M1AP: variants seen among roughly 807,000 people sequenced by gnomAD.
M1AP encodes the protein meiosis 1 arrest protein.
Under a neutral mutation model 51.2 loss-of-function variants are expected in M1AP, and 39 were observed. That is an observed-to-expected ratio of 0.76 (90% confidence interval 0.59 to 1.00). The LOEUF is 1.00. M1AP is among the 50% of genes least tolerant of loss of function. M1AP has a pLI of 0.00. For synonymous variants in M1AP, 251 were observed against 249.2 expected, an observed-to-expected ratio of 1.01 and a Z score of -0.07; for missense variants, 545 against 641.2, an observed-to-expected ratio of 0.85 and a Z score of 1.62.
chr2:74,610,601 A>G (rs935446570), intron 3 of M1AP, among the ~76,000 whole-genome samples: 1 of 152,100 alleles, frequency 6.6e-6, no homozygotes, highest in Non-Finnish European at 1.5e-5. Flanking sequence ...GGTATGCACC[A>G]CCACTCTCAG....
chr2:74,620,423 C>G (rs906166727), intron 2 of M1AP, among the ~76,000 whole-genome samples: 4 of 152,122 alleles, frequency 2.6e-5, no homozygotes, highest in Non-Finnish European at 2.9e-5. Flanking sequence ...ATTAAATGAC[C>G]CCATGCCCAA....
chr2:74,629,940 CT>C (rs769023462), intron 2 of M1AP, among the ~76,000 whole-genome samples: 4,779 of 136,684 alleles, frequency 0.035, 163 homozygotes, highest in African/African-American at 0.093. Context: ...AGATTCACAA[CT>C]TTTTTTTTTT....
intron 7 of M1AP, among the ~76,000 whole-genome samples, chr2:74,571,146 G>A (rs1678715954): frequency 6.6e-6 from 1 of 152,166 alleles, no homozygotes; most frequent in African/African-American, 2.4e-5. Context: ...AGAGATTGGA[G>A]GCAGGGAAGC....
At chr2:74,587,444 T>A (rs1302633130) in intron 4 of M1AP, among the ~76,000 whole-genome samples, 1 of 152,168 alleles carries the variant, frequency 6.6e-6, no homozygotes, top group Non-Finnish European at 1.5e-5. Context: ...GTGATCCACC[T>A]GCCTTGGCCT....
Position 74,621,945 on chromosome 2 carries a change from TA to T in M1AP, c.241-6797del, listed in dbSNP as rs753660707. 4.8e-3 allele frequency among the ~76,000 whole-genome samples: 593 copies of T among 122,818 alleles called. 2 individuals carry two copies. The highest frequency in any genetic ancestry group is 4.7e-3 in the Non-Finnish European group (273 of 57,720). 80.6% of individuals were successfully genotyped at this position (122,818 alleles called of 152,430 possible). ...CAACATGGTGAAACCCCACATCTAC[TA>T]AAAAAAAAAAAAAAAATACAAAAAT... On this transcript the variant is annotated intron_variant, in intron 2 of 10. Coordinates refer to ENST00000421985, the MANE Select transcript of M1AP (RefSeq NM_001321739.2).
chr2:74,604,864 C>T (rs191525848), intron 4 of M1AP, among the ~76,000 whole-genome samples: 2 of 152,206 alleles, frequency 1.3e-5, no homozygotes, highest in African/African-American at 2.4e-5. Flanking sequence ...AAGATCACTA[C>T]GTAGGACCAC....
At chr2:74,645,016 C>T (rs532090271) in intron 1 of M1AP, among the ~76,000 whole-genome samples, 10 of 152,260 alleles carry the variant, frequency 6.6e-5, no homozygotes, top group Admixed American at 5.9e-4. Context: ...TTTGTTCTTT[C>T]GCTCTTTGCA....
intron 1 of M1AP, among the ~76,000 whole-genome samples, chr2:74,643,102 T>C (rs978014670): frequency 1.8e-4 from 28 of 151,866 alleles, no homozygotes; most frequent in Admixed American, 9.8e-4. Flanking sequence ...ACTTTTTGGA[T>C]TTTTTTTGTT....
chr2:74,562,397 C>T lies in M1AP; in HGVS notation c.1101G>A (p.Lys367=). ...LLKREWLLLA[K]GEPPGPGHSQ... ...TGTGTCCTGGGCCCGGTGGTTCCCC[C>T]TTGGCTAACAGCAGCCATTCCCTTT... The change falls in exon 8 of 11, where the codon AAG becomes AAA. Residue 367 remains lysine, a synonymous_variant. Transcript: ENST00000421985. 1 of 1,614,210 alleles carries T rather than the reference C, an allele frequency of 6.2e-7. No homozygotes were observed. The highest frequency in any genetic ancestry group is 1.1e-5 in the South Asian group (1 of 91,086).
intron 4 of M1AP, among the ~76,000 whole-genome samples, chr2:74,587,894 A>G (rs1326986944): frequency 6.6e-6 from 1 of 152,228 alleles, no homozygotes; most frequent in East Asian, 1.9e-4. Context: ...AAGAAAGCCA[A>G]ATGACTGAAG....
At chr2:74,583,767 G>C (rs1210983502) in intron 4 of M1AP, among the ~76,000 whole-genome samples, 1 of 152,198 alleles carries the variant, frequency 6.6e-6, no homozygotes. Context: ...ACTTTCCACA[G>C]GGAACAAAGG....
chr2:74,561,366 C>T (rs1677999978), intron 8 of M1AP, among the ~76,000 whole-genome samples: 1 of 152,166 alleles, frequency 6.6e-6, no homozygotes, highest in African/African-American at 2.4e-5. Flanking sequence ...TGGGCACCTA[C>T]ATTGGCTGCC....
intron 5 of M1AP, among the ~76,000 whole-genome samples, chr2:74,578,553 G>A (rs1278164174): frequency 6.6e-6 from 1 of 152,154 alleles, no homozygotes; most frequent in African/African-American, 2.4e-5. Flanking sequence ...CCCAAAGCTG[G>A]GAAAGCTGTT....
At chr2:74,587,050 A>C (rs1679750331) in intron 4 of M1AP, among the ~76,000 whole-genome samples, 1 of 152,186 alleles carries the variant, frequency 6.6e-6, no homozygotes, top group South Asian at 2.1e-4. Flanking sequence ...GGCGAAGTGG[A>C]ATAGTACAAC....
At chr2:74,578,261 C>G (rs1679199225) in intron 5 of M1AP, among the ~76,000 whole-genome samples, 1 of 152,212 alleles carries the variant, frequency 6.6e-6, no homozygotes, top group African/African-American at 2.4e-5. Flanking sequence ...AGCCCAGACA[C>G]TGGTATTTTA....
At chr2:74,646,395 A>G (rs1474440685) in intron 1 of M1AP, among the ~76,000 whole-genome samples, 1 of 152,230 alleles carries the variant, frequency 6.6e-6, no homozygotes, top group African/African-American at 2.4e-5. Context: ...TCCACCTGAT[A>G]GACTCTAGAG....
intron 2 of M1AP, among the ~76,000 whole-genome samples, chr2:74,626,585 T>G (rs752332198): frequency 3.3e-5 from 5 of 151,974 alleles, no homozygotes; most frequent in Non-Finnish European, 7.4e-5. Context: ...ACACAAACTT[T>G]CCTTGTTTAA....
At chr2:74,561,157 G>A (rs961825228) in intron 8 of M1AP, among the ~76,000 whole-genome samples, 48 of 104,794 alleles carry the variant, frequency 4.6e-4, no homozygotes, top group Admixed American at 8.2e-4. Context: ...GGAGGAGAAG[G>A]AGGAGGAGGA....
intron 5 of M1AP, among the ~76,000 whole-genome samples, chr2:74,577,763 C>T (rs1452324091): frequency 6.6e-6 from 1 of 152,204 alleles, no homozygotes; most frequent in African/African-American, 2.4e-5. Context: ...CCAGCTTCCT[C>T]TTATTTCCTC....
Sources: allele counts gnomAD v4.1 joint callset (sites outside exome capture counted in the v4.1 genomes callset), GRCh38; gene constraint gnomAD v4.1.1; transcripts MANE v1.5; gene names NCBI Gene and HGNC (gene_info 2026-07-23, HGNC 2026-07-21).